Variants in LPP observed in about 807,000 individuals in gnomAD.
The protein encoded by LPP is lipoma-preferred partner.
In LPP, 38 loss-of-function variants were observed where a neutral mutation model predicts 60.4. The observed-to-expected ratio is 0.63, with a 90% CI of 0.49 to 0.83. LPP has a LOEUF of 0.83. Ranked by LOEUF, LPP falls within the 40% of genes least tolerant of loss-of-function variation. The pLI is 0.00. For synonymous variants in LPP, 328 were observed against 290.8 expected (o/e 1.13, Z -1.30); for missense variants, 902 against 783.6 (o/e 1.15, Z -1.80).
intron 2 of LPP, among the ~76,000 whole-genome samples, chr3:188,228,988 C>T (rs902094579): frequency 6.6e-6 from 1 of 152,178 alleles, no homozygotes; most frequent in Non-Finnish European, 1.5e-5. Context: ...TGCACAGCAT[C>T]GGGAACATTA....
chr3:188,472,764 G>T (rs1050083603), intron 4 of LPP: 12 of 152,204 alleles, frequency 7.9e-5, no homozygotes, highest in African/African-American at 2.9e-4. Flanking sequence ...GCCTAGCCAT[G>T]CTGCATTCAG....
chr3:188,574,176 G>T (rs1834100817), intron 6 of LPP, among the ~76,000 whole-genome samples: 1 of 152,124 alleles, frequency 6.6e-6, no homozygotes, highest in African/African-American at 2.4e-5. Context: ...GGCATCCAGA[G>T]GACCCTGGGT....
chr3:188,867,726 T>C (rs1767041600), intron 10 of LPP, among the ~76,000 whole-genome samples: 1 of 152,198 alleles, frequency 6.6e-6, no homozygotes, highest in Non-Finnish European at 1.5e-5. Context: ...CTGTATGTGT[T>C]TGCTGGGCAG....
chr3:188,199,726 T>TC (rs1730526139), intron 1 of LPP, among the ~76,000 whole-genome samples: 1 of 152,038 alleles, frequency 6.6e-6, no homozygotes, highest in African/African-American at 2.4e-5. Context: ...TTTTTTTTTT[T>TC]CTGTGAGATG....
intron 1 of LPP, among the ~76,000 whole-genome samples, chr3:188,199,792 G>A (rs1200855714): frequency 6.6e-6 from 1 of 151,424 alleles, no homozygotes; most frequent in Non-Finnish European, 1.5e-5. Flanking sequence ...TTGGCTCACT[G>A]CAACCTCCCC....
At chr3:188,519,955 A>G (rs1441090918) in intron 5 of LPP, among the ~76,000 whole-genome samples, 1 of 152,194 alleles carries the variant, frequency 6.6e-6, no homozygotes, top group Non-Finnish European at 1.5e-5. Flanking sequence ...GGCCTGAAAT[A>G]TGACCCATTC....
chr3:188,565,810 T>G (rs1307621900), intron 6 of LPP, among the ~76,000 whole-genome samples: 1 of 152,016 alleles, frequency 6.6e-6, no homozygotes, highest in African/African-American at 2.4e-5. Flanking sequence ...GCTTCAAGGT[T>G]ATTTTTATAA....
intron 1 of LPP, among the ~76,000 whole-genome samples, chr3:188,220,791 A>G (rs1715484898): frequency 6.6e-6 from 1 of 152,032 alleles, no homozygotes; most frequent in Admixed American, 6.5e-5. Flanking sequence ...TATGTTGGTG[A>G]GAGTTTCAGA....
intron 2 of LPP, among the ~76,000 whole-genome samples, chr3:188,285,164 T>C (rs1468451137): frequency 6.6e-6 from 1 of 152,150 alleles, no homozygotes; most frequent in Non-Finnish European, 1.5e-5. Flanking sequence ...AATTAGAAGA[T>C]AGTGATTTCT....
At chr3:188,867,436 C>T (rs1219412766) in intron 10 of LPP, among the ~76,000 whole-genome samples, 1 of 151,908 alleles carries the variant, frequency 6.6e-6, no homozygotes, top group Non-Finnish European at 1.5e-5. Flanking sequence ...CCTCTGCCTC[C>T]TGACTCAAGC....
intron 3 of LPP, among the ~76,000 whole-genome samples, chr3:188,367,512 T>G (rs986213014): frequency 6.6e-6 from 1 of 152,232 alleles, no homozygotes; most frequent in Non-Finnish European, 1.5e-5. Context: ...GCATACTAGT[T>G]AATATATAAA....
chr3:188,267,645 C>T (rs1736063230), intron 2 of LPP, among the ~76,000 whole-genome samples: 2 of 152,272 alleles, frequency 1.3e-5, no homozygotes, highest in South Asian at 4.1e-4. Context: ...GCCCTGATGA[C>T]CTGTGCTCAG....
chr3:188,269,193 G>A (rs1039172426), intron 2 of LPP, among the ~76,000 whole-genome samples: 2 of 152,186 alleles, frequency 1.3e-5, no homozygotes, highest in Non-Finnish European at 2.9e-5. Context: ...TTTGTTCCTG[G>A]AGATCGTAAT....
At position 188,383,281 on chromosome 3, in the gene LPP, AATG is replaced by A. The variant is rs1215350154; in HGVS notation, c.-9-22829_-9-22827del. On this transcript the variant is annotated intron_variant, in intron 3 of 11. Transcript: ENST00000617246. ...ACATTTGTTCCTAGACATAATCAGG[AATG>A]ACACCAGACACAGACTATATTTTGG... is the stretch of plus-strand genomic sequence containing the variant. Among the ~76,000 whole-genome samples, 4 of 152,294 alleles carry A rather than the reference AATG, an allele frequency of 2.6e-5. No individual in the cohort carries two copies. The East Asian group carries it at 7.7e-4, about 29-fold the overall frequency.
At chr3:188,747,161 T>A (rs1029782612) in intron 8 of LPP, among the ~76,000 whole-genome samples, 3 of 152,190 alleles carry the variant, frequency 2.0e-5, no homozygotes, top group African/African-American at 7.2e-5. Context: ...GTCCAGAAAG[T>A]GTACCTTCAT....
rs1346499137 is a variant in LPP, at chr3:188,252,076, A to G, written c.-67+26549A>G. 1.1e-3 allele frequency among the ~76,000 whole-genome samples: 85 copies of G among 73,994 alleles called. 1 individual carries two copies. Among genetic ancestry groups the G allele is most frequent in the African/African-American group, 4.3e-3 (79 of 18,480 alleles). 48.5% of individuals were successfully genotyped at this position (73,994 alleles called of 152,430 possible). ...TATATATATATATATATATATATAT[A>G]CACACACACACACACATATATCAGA... On this transcript the variant is annotated intron_variant, in intron 2 of 11. Coordinates refer to ENST00000617246, the MANE Select transcript of LPP (RefSeq NM_001375462.1).
At chr3:188,783,869 C>CTCAGTAAAGGGTGATCAT (rs56671912) in intron 9 of LPP, among the ~76,000 whole-genome samples, 106,008 of 151,686 alleles carry the variant, frequency 0.7, 37,666 homozygotes, top group East Asian at 0.9. Flanking sequence ...AACTTGATAT[C>CTCAGTAAAGGGTGATCAT]TCATTCTTAC....
At chr3:188,702,175 C>T (rs1039470504) in intron 7 of LPP, among the ~76,000 whole-genome samples, 1 of 151,954 alleles carries the variant, frequency 6.6e-6, no homozygotes, top group African/African-American at 2.4e-5. Context: ...CTAGGATGGT[C>T]TCGATTTCCT....
intron 2 of LPP, among the ~76,000 whole-genome samples, chr3:188,251,604 A>G (rs940239595): frequency 6.6e-6 from 1 of 152,144 alleles, no homozygotes; most frequent in East Asian, 1.9e-4. Context: ...TACTACTACT[A>G]TTAATTTGCT....
Sources: gnomAD v4.1 joint callset for allele counts (sites outside exome capture counted in the v4.1 genomes callset) on GRCh38, gnomAD v4.1.1 for gene constraint, MANE v1.5 for transcripts, NCBI Gene and HGNC (gene_info 2026-07-23, HGNC 2026-07-21) for gene names.